CCDC102B: variants seen among roughly 807,000 people sequenced by gnomAD.
The protein encoded by CCDC102B is coiled-coil domain-containing protein 102B.
Under a neutral mutation model 57.4 loss-of-function variants are expected in CCDC102B, and 75 were observed. The observed-to-expected ratio is 1.31, with a 90% confidence interval of 1.08 to 1.58. CCDC102B has a LOEUF of 1.58. CCDC102B is among the 40% of genes most tolerant of loss of function. The pLI, the probability that CCDC102B is intolerant of heterozygous loss-of-function variation, is 0.00. For synonymous variants in CCDC102B, 206 were observed against 201.9 expected (o/e 1.02, Z -0.17); for missense variants, 636 against 582.6 (o/e 1.09, Z -0.94).
At chr18:68,959,094 T>C (rs982794401) in intron 6 of CCDC102B, among the ~76,000 whole-genome samples, 3 of 152,154 alleles carry the variant, frequency 2.0e-5, no homozygotes, top group Admixed American at 6.6e-5. Context: ...TTAAGAGTTA[T>C]TTATTGTAGT....
At chr18:68,732,261 T>C (rs1173292046) in intron 2 of CCDC102B, among the ~76,000 whole-genome samples, 2 of 152,102 alleles carry the variant, frequency 1.3e-5, no homozygotes, top group Non-Finnish European at 2.9e-5. Flanking sequence ...GTGGATACCA[T>C]AAACTGTTTG....
chr18:68,805,164 A>G (rs1392375365), intron 1 of CCDC102B, among the ~76,000 whole-genome samples: 1 of 152,228 alleles, frequency 6.6e-6, no homozygotes, highest in African/African-American at 2.4e-5. Context: ...TTGTAAGTGA[A>G]ATAGAAAAAC....
chr18:69,055,211 C>T, downstream of CCDC102B: 1 of 907,518 alleles, frequency 1.1e-6, no homozygotes, highest in Non-Finnish European at 1.3e-6. Context: ...AAGCCTTTGT[C>T]ATTCACTGAG....
chr18:69,001,450 C>G (rs1362617462), intron 6 of CCDC102B, among the ~76,000 whole-genome samples: 1 of 144,446 alleles, frequency 6.9e-6, no homozygotes, highest in African/African-American at 2.6e-5. Flanking sequence ...GGCCCACAGA[C>G]AATTTAAAGG....
chr18:69,053,921 A>C (rs1054019494), intron 7 of CCDC102B, 109 bp from the exon 8 acceptor site: 1 of 839,184 alleles, frequency 1.2e-6, no homozygotes, highest in Admixed American at 3.3e-5. Context: ...CTTACAATCT[A>C]TTCTCTTAGC....
chr18:68,863,126 G>A (rs12604485), intron 4 of CCDC102B, among the ~76,000 whole-genome samples: 18,966 of 151,324 alleles, frequency 0.13, 1,443 homozygotes, highest in South Asian at 0.22. Context: ...ATTTGAATCA[G>A]AAATCAAATA....
intron 2 of CCDC102B, among the ~76,000 whole-genome samples, chr18:68,736,710 A>G (rs1025222562): frequency 2.0e-5 from 3 of 152,102 alleles, no homozygotes; most frequent in African/African-American, 7.2e-5. Context: ...TGATAAACCC[A>G]TCAGATCTCA....
intron 6 of CCDC102B, among the ~76,000 whole-genome samples, chr18:68,931,655 G>A (rs527474978): frequency 5.3e-5 from 8 of 152,008 alleles, no homozygotes; most frequent in Non-Finnish European, 1.0e-4. Flanking sequence ...TAAGAATGGG[G>A]TCAGGGGAGT....
chr18:68,913,921 G>A (rs2040973346), intron 6 of CCDC102B, among the ~76,000 whole-genome samples: 2 of 152,082 alleles, frequency 1.3e-5, no homozygotes, highest in Admixed American at 1.3e-4. Context: ...TTAAAAGTTG[G>A]ATTATGGTCC....
intron 6 of CCDC102B, among the ~76,000 whole-genome samples, chr18:68,929,233 C>G (rs1599707241): frequency 1.3e-5 from 2 of 151,842 alleles, no homozygotes; most frequent in South Asian, 4.1e-4. Context: ...TTGTCTCTCC[C>G]AAATTCCACA....
Position 68,837,271 on chromosome 18 carries a change from C to T in CCDC102B, c.508C>T (p.His170Tyr), listed in dbSNP as rs1209010531. Residue 170 changes from histidine (H) to tyrosine (Y), a missense_variant, in exon 2 of 8, where the codon CAT (histidine) becomes TAT (tyrosine). His to Tyr is a moderately conservative substitution (Grantham distance 83). Coordinates refer to ENST00000360242, the MANE Select transcript of CCDC102B (RefSeq NM_024781.3). ...TGGCTTCGTAGAAGAATCCTGTGAA[C>T]ATACAGACCAATTTCAATTGAGTTC... ...LPGFVEESCE[H>Y]TDQFQLSSQM... 5.0e-6 allele frequency: 8 copies of T among 1,613,966 alleles called. No individual in the cohort carries two copies. The East Asian group carries it at 1.6e-4, about 31-fold the overall frequency.
At chr18:68,755,406 A>G (rs2034011986) in intron 2 of CCDC102B, among the ~76,000 whole-genome samples, 1 of 152,172 alleles carries the variant, frequency 6.6e-6, no homozygotes, top group Non-Finnish European at 1.5e-5. Flanking sequence ...GGAAGAGAGA[A>G]CAACCATGGA....
At chr18:68,733,506 A>ATATATATATATAT (rs1286743067) in intron 2 of CCDC102B, among the ~76,000 whole-genome samples, 3 of 87,644 alleles carry the variant, frequency 3.4e-5, no homozygotes, top group African/African-American at 1.7e-4. Flanking sequence ...ATATATATAT[A>ATATATATATATAT]TTTTTTTAAC....
intron 6 of CCDC102B, among the ~76,000 whole-genome samples, chr18:68,923,133 CATATAA>C (rs1047786491): frequency 6.7e-4 from 102 of 151,866 alleles, no homozygotes; most frequent in African/African-American, 2.1e-3. Context: ...TAAATGAAAA[CATATAA>C]ATATAAACAT....
chr18:68,841,186 C>A lies in CCDC102B; in HGVS notation c.827+2260C>A, dbSNP rs77804177. Among the ~76,000 whole-genome samples, 1,338 of 152,264 alleles carry A rather than the reference C, an allele frequency of 8.8e-3. 21 individuals are homozygous for A. Among genetic ancestry groups the A allele is most frequent in the African/African-American group, 0.031 (1,268 of 41,544 alleles). Reference sequence around the variant, plus strand: ...TTTTAAATTCTTCTTCCTGGAATATCAGTGAGTGGGTGGCTTCGACTGAGA... The same window carrying A: ...TTTTAAATTCTTCTTCCTGGAATATAAGTGAGTGGGTGGCTTCGACTGAGA... On this transcript the variant is annotated intron_variant, in intron 3 of 7. Coordinates refer to ENST00000360242, the MANE Select transcript of CCDC102B (RefSeq NM_024781.3).
chr18:68,802,271 C>T (rs571242954), intron 1 of CCDC102B, among the ~76,000 whole-genome samples: 32 of 152,220 alleles, frequency 2.1e-4, no homozygotes, highest in Middle Eastern at 3.4e-3. Flanking sequence ...AAAGCAACTA[C>T]GTAGAGTCCC....
At chr18:68,857,098 T>TC (rs2038434181) in intron 4 of CCDC102B, among the ~76,000 whole-genome samples, 1 of 106,266 alleles carries the variant, frequency 9.4e-6, no homozygotes, top group African/African-American at 3.8e-5. Context: ...TTATATATTT[T>TC]TATATATTAT....
At chr18:68,868,560 C>T (rs2039103162) in intron 4 of CCDC102B, among the ~76,000 whole-genome samples, 1 of 152,120 alleles carries the variant, frequency 6.6e-6, no homozygotes, top group African/African-American at 2.4e-5. Flanking sequence ...TATTTCTGGG[C>T]CCACTGCATT....
chr18:68,920,016 T>C (rs952413754), intron 6 of CCDC102B, among the ~76,000 whole-genome samples: 1 of 152,168 alleles, frequency 6.6e-6, no homozygotes, highest in African/African-American at 2.4e-5. Flanking sequence ...TGCAGGTTTG[T>C]TACAACTTGT....
Sources: allele counts gnomAD v4.1 joint callset (sites outside exome capture counted in the v4.1 genomes callset), GRCh38; gene constraint gnomAD v4.1.1; transcripts MANE v1.5; gene names NCBI Gene and HGNC (gene_info 2026-07-23, HGNC 2026-07-21).